NPFFR2: variants seen among roughly 807,000 people sequenced by gnomAD.
NPFFR2 encodes the protein neuropeptide FF receptor 2.
In NPFFR2, 15 loss-of-function variants were observed where a neutral mutation model predicts 13.1. The ratio of observed to expected loss-of-function variants is 1.15; its 90% confidence interval spans 0.77 to 1.76. The LOEUF is 1.76. Among genes scored for constraint, NPFFR2 ranks in the 40% most tolerant of loss-of-function variants. NPFFR2 has a pLI of 0.00. For missense variants in NPFFR2, 572 were observed against 503.5 expected, an observed-to-expected ratio of 1.14 and a Z score of -1.30; for synonymous variants, 190 against 175.7, an observed-to-expected ratio of 1.08 and a Z score of -0.65.
intron 1 of NPFFR2, among the ~76,000 whole-genome samples, chr4:72,045,050 G>A (rs1011232793): frequency 6.6e-6 from 1 of 152,032 alleles, no homozygotes; most frequent in Non-Finnish European, 1.5e-5. Flanking sequence ...TTTATTTCAT[G>A]TTGAGTTGAT....
intron 3 of NPFFR2, among the ~76,000 whole-genome samples, chr4:72,145,964 G>A (rs1260701691): frequency 6.6e-6 from 1 of 152,104 alleles, no homozygotes; most frequent in African/African-American, 2.4e-5. Flanking sequence ...CAAAATCATA[G>A]TAAAATGAAT....
chr4:72,116,055 G>T (rs1721703304), intron 1 of NPFFR2, among the ~76,000 whole-genome samples: 1 of 152,038 alleles, frequency 6.6e-6, no homozygotes, highest in South Asian at 2.1e-4. Flanking sequence ...AGAATGAAAG[G>T]ATGCCAGAGT....
chr4:72,068,291 A>G (rs1720133689), intron 1 of NPFFR2, among the ~76,000 whole-genome samples: 1 of 152,214 alleles, frequency 6.6e-6, no homozygotes. Flanking sequence ...TCTGGTTCCA[A>G]GATGGCACCT....
chr4:72,130,519 C>A (rs1318435141), intron 2 of NPFFR2, among the ~76,000 whole-genome samples: 2 of 152,042 alleles, frequency 1.3e-5, no homozygotes, highest in Non-Finnish European at 2.9e-5. Flanking sequence ...CTGCATAGAT[C>A]TGAGTTTTTG....
At position 72,038,903 on chromosome 4, in the gene NPFFR2, TTC is replaced by T. The variant is rs1175130846; in HGVS notation, c.-8+6705_-8+6706del. Among the ~76,000 whole-genome samples the T allele has an allele frequency of 4.6e-4, 43 of 93,758 alleles. 7 individuals are homozygous for T. The highest frequency in any genetic ancestry group is 9.5e-4 in the Admixed American group (8 of 8,428). The allele number at this position is 93,758 out of a possible 152,430, so 61.5% of individuals were successfully genotyped here. The stretch of plus-strand genomic sequence containing the variant: ...TTAATTCTTGATTTTTAAATTTCCT[TTC>T]TTTTTTTTTTTTTTTTTTTTTGAGA... On this transcript the variant is annotated intron_variant, in intron 1 of 3. Transcript: ENST00000308744.
intron 1 of NPFFR2, among the ~76,000 whole-genome samples, chr4:72,055,983 G>A (rs779365027): frequency 3.3e-5 from 5 of 151,920 alleles, no homozygotes; most frequent in African/African-American, 7.2e-5. Flanking sequence ...AATTCTCTCC[G>A]TGCCATAAAA....
chr4:72,070,569 G>A (rs775690336), intron 1 of NPFFR2, among the ~76,000 whole-genome samples: 1 of 137,210 alleles, frequency 7.3e-6, no homozygotes, highest in East Asian at 3.6e-4. Flanking sequence ...GTGGGGGGGG[G>A]GGGTGGGGCT....
At chr4:72,140,888 G>A (rs7655652) in intron 3 of NPFFR2, among the ~76,000 whole-genome samples, 3,840 of 152,110 alleles carry the variant, frequency 0.025, 166 homozygotes, top group African/African-American at 0.088. Flanking sequence ...AATTCGTCTC[G>A]TCCTGGACTT....
At chr4:72,104,284 A>T (rs1436056555) in intron 1 of NPFFR2, among the ~76,000 whole-genome samples, 1 of 152,080 alleles carries the variant, frequency 6.6e-6, no homozygotes, top group Non-Finnish European at 1.5e-5. Flanking sequence ...GATGTCGATT[A>T]TCATCCTGTT....
chr4:72,068,967 C>T (rs1247823651), intron 1 of NPFFR2: 2 of 1,429,818 alleles, frequency 1.4e-6, no homozygotes, highest in Non-Finnish European at 1.9e-6. Context: ...ATACAAGAAA[C>T]ATCAAAAAGA....
At chr4:72,128,106 A>C (rs1356998819) in intron 1 of NPFFR2, among the ~76,000 whole-genome samples, 1 of 152,210 alleles carries the variant, frequency 6.6e-6, no homozygotes, top group Non-Finnish European at 1.5e-5. Context: ...AAATTAATTG[A>C]GTCAGAGCAG....
At chr4:72,098,210 A>G (rs1721125707) in intron 1 of NPFFR2, among the ~76,000 whole-genome samples, 1 of 152,224 alleles carries the variant, frequency 6.6e-6, no homozygotes, top group Non-Finnish European at 1.5e-5. Flanking sequence ...AACAAATAGC[A>G]TATAACGTAC....
Position 72,075,976 on chromosome 4 carries a change from T to TACACAC in NPFFR2, c.-8+43802_-8+43807dup, listed in dbSNP as rs1025719017. Among the ~76,000 whole-genome samples the TACACAC allele has an allele frequency of 4.8e-3, 399 of 83,150 alleles. 1 individual carries two copies. The highest frequency in any genetic ancestry group is 0.017 in the African/African-American group (373 of 21,494). The allele number at this position is 83,150 out of a possible 152,430, so 54.5% of individuals were successfully genotyped here. A position where few individuals can be genotyped will look rare whatever the true frequency, so the allele number is the denominator to read the frequency against. On this transcript the variant is annotated intron_variant, in intron 1 of 3. Transcript: ENST00000308744. ...TCTCTGTCACACACACACACACACA[T>TACACAC]ACACACACACACACACACACACACA...
In NPFFR2 at chr4:72,101,551, TA is replaced by T. The variant is rs199721200; in HGVS notation, c.-7-27030del. Among the ~76,000 whole-genome samples, 6 of 151,864 alleles carry T rather than the reference TA, an allele frequency of 4.0e-5. No individual in the cohort carries two copies. In the East Asian group the frequency reaches 1.2e-3, roughly 29 times the overall value. ...TAATAATAAAATAGGGGTCATAAAA[TA>T]AAAGTGATTTAGGAATTTCAAGGAA... On this transcript the variant is annotated intron_variant, in intron 1 of 3. Coordinates refer to ENST00000308744, the MANE Select transcript of NPFFR2 (RefSeq NM_004885.3).
At position 72,079,841 on chromosome 4, in the gene NPFFR2, T is replaced by C. The variant is rs78458423; in HGVS notation, c.-8+47641T>C. Among the ~76,000 whole-genome samples, 477 of 152,310 alleles carry C rather than the reference T, an allele frequency of 3.1e-3. 5 individuals carry two copies. Among genetic ancestry groups the C allele is most frequent in the African/African-American group, 0.011 (440 of 41,580 alleles). On this transcript the variant is annotated intron_variant, in intron 1 of 3. Transcript: ENST00000308744. ...TGGGCCCTGCAACCCTGTAGATTGA[T>C]GCAGTGAGAGCCAAATGGAGACATC...
At chr4:72,093,672 T>G (rs962246385) in intron 1 of NPFFR2, among the ~76,000 whole-genome samples, 1 of 151,190 alleles carries the variant, frequency 6.6e-6, no homozygotes, top group African/African-American at 2.5e-5. Flanking sequence ...TGTACTTGAT[T>G]TCCAGATGTT....
chr4:72,118,370 A>T (rs1721770752), intron 1 of NPFFR2, among the ~76,000 whole-genome samples: 1 of 152,214 alleles, frequency 6.6e-6, no homozygotes, highest in South Asian at 2.1e-4. Flanking sequence ...TATCCAATGA[A>T]AACCTAACAA....
intron 1 of NPFFR2, among the ~76,000 whole-genome samples, chr4:72,106,159 T>C (rs1465130700): frequency 1.3e-5 from 2 of 151,932 alleles, no homozygotes; most frequent in Non-Finnish European, 2.9e-5. Flanking sequence ...AAGAGTTTAA[T>C]ATACAAGCCG....
intron 3 of NPFFR2, among the ~76,000 whole-genome samples, chr4:72,143,122 T>C (rs1472520925): frequency 6.6e-6 from 1 of 152,158 alleles, no homozygotes; most frequent in African/African-American, 2.4e-5. Context: ...TATATACTTA[T>C]GGCATTGAAA....
Sources: gnomAD v4.1 joint callset for allele counts (sites outside exome capture counted in the v4.1 genomes callset) on GRCh38, gnomAD v4.1.1 for gene constraint, MANE v1.5 for transcripts, NCBI Gene and HGNC (gene_info 2026-07-23, HGNC 2026-07-21) for gene names.